LRRC4C: variants seen among roughly 807,000 people sequenced by gnomAD.
The protein encoded by LRRC4C is leucine rich repeat containing 4C.
A neutral mutation model predicts 33.6 loss-of-function variants in LRRC4C; 5 were observed. The ratio of observed to expected loss-of-function variants is 0.15; its 90% CI spans 0.08 to 0.31. LRRC4C has a LOEUF of 0.31. Ranked by LOEUF, LRRC4C falls within the 10% of genes least tolerant of loss-of-function variation. LRRC4C has a pLI of 1.00. For synonymous variants in LRRC4C, 329 were observed against 302.0 expected (o/e 1.09, Z -0.93); for missense variants, 560 against 796.7 (o/e 0.70, Z 3.58).
chr11:40,986,945 C>T (rs1480679729), intron 1 of LRRC4C, among the ~76,000 whole-genome samples: 2 of 152,190 alleles, frequency 1.3e-5, no homozygotes, highest in African/African-American at 2.4e-5. Context: ...CCAATGACTA[C>T]CTTCTTCAGT....
intron 2 of LRRC4C, among the ~76,000 whole-genome samples, chr11:40,871,028 C>T (rs1288694893): frequency 6.6e-6 from 1 of 152,038 alleles, no homozygotes; most frequent in Non-Finnish European, 1.5e-5. Context: ...CTTTTATGGT[C>T]GAAGCTGTAG....
intron 1 of LRRC4C, among the ~76,000 whole-genome samples, chr11:41,369,851 A>G (rs1287391941): frequency 6.6e-6 from 1 of 152,178 alleles, no homozygotes; most frequent in East Asian, 1.9e-4. Context: ...AATAATGTGC[A>G]GGATGGATTT....
chr11:40,994,198 T>C (rs1034039130), intron 1 of LRRC4C, among the ~76,000 whole-genome samples: 2 of 152,160 alleles, frequency 1.3e-5, no homozygotes, highest in African/African-American at 4.8e-5. Context: ...GGTGAGGTTC[T>C]TCTTTCATAA....
At chr11:41,343,364 G>GACAAAACAAA (rs1457468141) in intron 1 of LRRC4C, among the ~76,000 whole-genome samples, 1 of 140,302 alleles carries the variant, frequency 7.1e-6, no homozygotes, top group African/African-American at 2.6e-5. Flanking sequence ...GATGATTAAA[G>GACAAAACAAA]AGAAAACAAA....
At chr11:40,639,921 C>T (rs1452927048) in intron 3 of LRRC4C, among the ~76,000 whole-genome samples, 1 of 146,244 alleles carries the variant, frequency 6.8e-6, no homozygotes, top group Non-Finnish European at 1.5e-5. Context: ...GGAGCCTTCA[C>T]ATAGACTGAT....
intron 3 of LRRC4C, among the ~76,000 whole-genome samples, chr11:40,539,844 G>A (rs1271919076): frequency 6.6e-6 from 1 of 152,114 alleles, no homozygotes; most frequent in African/African-American, 2.4e-5. Flanking sequence ...GATTCATTCA[G>A]TCTAGTGGCT....
chr11:40,236,767 C>A (rs1450894056), intron 5 of LRRC4C, among the ~76,000 whole-genome samples: 1 of 152,128 alleles, frequency 6.6e-6, no homozygotes, highest in Non-Finnish European at 1.5e-5. Flanking sequence ...TGGAGAACAG[C>A]AAGGCCCACA....
chr11:40,821,531 T>C (rs910973117), intron 2 of LRRC4C, among the ~76,000 whole-genome samples: 1 of 151,576 alleles, frequency 6.6e-6, no homozygotes, highest in Non-Finnish European at 1.5e-5. Flanking sequence ...TAAATTTATA[T>C]TTTTTAACAA....
intron 1 of LRRC4C, among the ~76,000 whole-genome samples, chr11:41,046,422 A>G (rs1209048725): frequency 1.3e-5 from 2 of 152,122 alleles, no homozygotes; most frequent in Non-Finnish European, 2.9e-5. Flanking sequence ...TTGCTCAGAG[A>G]CCACAGATGT....
chr11:40,253,931 G>A (rs1439322820), intron 4 of LRRC4C, among the ~76,000 whole-genome samples: 2 of 152,162 alleles, frequency 1.3e-5, no homozygotes, highest in East Asian at 3.8e-4. Flanking sequence ...CATTATATAA[G>A]TTTTTATAGT....
intron 2 of LRRC4C, among the ~76,000 whole-genome samples, chr11:40,873,247 G>T (rs1232711465): frequency 6.6e-6 from 1 of 152,148 alleles, no homozygotes; most frequent in Non-Finnish European, 1.5e-5. Flanking sequence ...ATCTGATGTT[G>T]TACTAATAAC....
In LRRC4C at chr11:40,591,020, C is replaced by T. The variant is rs1959027268; in HGVS notation, c.-270+57122G>A. 2.0e-5 allele frequency among the ~76,000 whole-genome samples: 3 copies of T among 152,300 alleles called. No individual in the cohort carries two copies. The South Asian group carries it at 6.2e-4, about 32-fold the overall frequency. On this transcript the variant is annotated intron_variant, in intron 3 of 6. Coordinates refer to ENST00000528697, the MANE Select transcript of LRRC4C (RefSeq NM_001258419.2). ...GTGGGCTCCACCCAGTTGGAGCTTC[C>T]TGGCTGCTTTGTTTACCTAAGCACG...
intron 1 of LRRC4C, among the ~76,000 whole-genome samples, chr11:41,056,213 A>C (rs80188174): frequency 0.028 from 4,276 of 152,286 alleles, 236 homozygotes; most frequent in African/African-American, 0.098. Flanking sequence ...CCAATTCATT[A>C]AGTCTTTCTT....
At chr11:40,452,587 T>A (rs1168031312) in intron 3 of LRRC4C, among the ~76,000 whole-genome samples, 1 of 152,226 alleles carries the variant, frequency 6.6e-6, no homozygotes, top group Admixed American at 6.5e-5. Context: ...TTGGTGGGAC[T>A]GTAAACTAGT....
In LRRC4C at chr11:40,631,848, G is replaced by A. The variant is rs138765987; in HGVS notation, c.-270+16294C>T. ...CACTATATTTATTTGAGCTTTAGAA[G>A]CTCTGTAATGGTCTTATTGGCAGAT... On this transcript the variant is annotated intron_variant, in intron 3 of 6. Coordinates refer to ENST00000528697, the MANE Select transcript of LRRC4C (RefSeq NM_001258419.2). Among the ~76,000 whole-genome samples, 445 of 152,254 alleles carry A rather than the reference G, an allele frequency of 2.9e-3. 1 individual carries two copies. The highest frequency in any genetic ancestry group is 0.01 in the African/African-American group (429 of 41,524).
At chr11:40,414,037 T>C (rs1478934996) in intron 3 of LRRC4C, among the ~76,000 whole-genome samples, 1 of 151,472 alleles carries the variant, frequency 6.6e-6, no homozygotes, top group Non-Finnish European at 1.5e-5. Flanking sequence ...TCTAAACACA[T>C]TTTTTTGACT....
chr11:40,350,422 C>T (rs1007069304), intron 3 of LRRC4C, among the ~76,000 whole-genome samples: 2 of 151,900 alleles, frequency 1.3e-5, no homozygotes, highest in East Asian at 1.9e-4. Flanking sequence ...TTTCCAAAAT[C>T]GAATGGAAAT....
intron 1 of LRRC4C, among the ~76,000 whole-genome samples, chr11:41,394,191 T>A (rs1364211881): frequency 1.3e-5 from 2 of 151,942 alleles, no homozygotes; most frequent in Admixed American, 1.3e-4. Context: ...GTGGCTATTG[T>A]GGATTAGAGT....
At chr11:40,528,212 T>A (rs1425858898) in intron 3 of LRRC4C, among the ~76,000 whole-genome samples, 2 of 151,794 alleles carry the variant, frequency 1.3e-5, no homozygotes, top group Non-Finnish European at 1.5e-5. Context: ...CTCTGCACAG[T>A]AAAGGAAACA....
Sources: gnomAD v4.1 joint callset for allele counts (sites outside exome capture counted in the v4.1 genomes callset) on GRCh38, gnomAD v4.1.1 for gene constraint, MANE v1.5 for transcripts, NCBI Gene and HGNC (gene_info 2026-07-23, HGNC 2026-07-21) for gene names.